ATG14: variants seen among roughly 807,000 people sequenced by gnomAD.
ATG14 encodes the protein beclin 1-associated autophagy-related key regulator.
A neutral mutation model predicts 60.4 loss-of-function variants in ATG14; 35 were observed. The ratio of observed to expected loss-of-function variants is 0.58; its 90% confidence interval spans 0.44 to 0.77. The LOEUF is 0.77. ATG14 is among the 30% of genes least tolerant of loss of function. The pLI is 0.00. For synonymous variants in ATG14, 234 were observed against 228.8 expected, an observed-to-expected ratio of 1.02 and a Z score of -0.21; for missense variants, 647 against 626.3, an observed-to-expected ratio of 1.03 and a Z score of -0.35.
chr14:55,398,505 A>G (rs1363708931), intron 1 of ATG14, among the ~76,000 whole-genome samples: 2 of 152,222 alleles, frequency 1.3e-5, no homozygotes, highest in African/African-American at 4.8e-5. Context: ...ATCTTCCATA[A>G]GAATCCTTCT....
chr14:55,367,811 C>T lies in ATG14; in HGVS notation c.*1808G>A, dbSNP rs1160488293. On this transcript the variant is annotated 3_prime_UTR_variant, in exon 10 of 10. Transcript: ENST00000247178. ...CTCCTTTCATGGAAAATTCATAGAGCCAAGGAATTTGTGACTACCGGATAG... is the reference window on the plus strand; with the variant it reads ...CTCCTTTCATGGAAAATTCATAGAGTCAAGGAATTTGTGACTACCGGATAG... The T allele has an allele frequency of 6.6e-6, 1 of 151,894 alleles. No individual in the cohort carries two copies. The highest frequency in any genetic ancestry group is 1.5e-5 in the Non-Finnish European group (1 of 67,988). 9.4% of individuals were successfully genotyped at this position (151,894 alleles called of 1,614,324 possible).
chr14:55,392,212 G>C (rs1037584523), intron 3 of ATG14, among the ~76,000 whole-genome samples: 2 of 152,200 alleles, frequency 1.3e-5, no homozygotes, highest in Non-Finnish European at 2.9e-5. Flanking sequence ...GATCTGACAG[G>C]AGGTGGAGCT....
At chr14:55,382,661 C>T (rs977604386) in intron 5 of ATG14, among the ~76,000 whole-genome samples, 4 of 152,102 alleles carry the variant, frequency 2.6e-5, no homozygotes, top group African/African-American at 9.7e-5. Flanking sequence ...AGGAATTTAA[C>T]TGAAATATAC....
chr14:55,397,169 G>A (rs1026347803), intron 2 of ATG14, among the ~76,000 whole-genome samples: 1 of 152,084 alleles, frequency 6.6e-6, no homozygotes, highest in Non-Finnish European at 1.5e-5. Context: ...ACCACACACC[G>A]GATCTGAGGC....
chr14:55,370,669 T>G (rs1209281266), intron 9 of ATG14, among the ~76,000 whole-genome samples: 1 of 151,124 alleles, frequency 6.6e-6, no homozygotes, highest in Non-Finnish European at 1.5e-5. Flanking sequence ...TTAGACAGAG[T>G]CTCGTTCTGT....
At chr14:55,411,572 G>A (rs760055950) in intron 1 of ATG14, 30 bp downstream of exon 1, 42 of 1,580,190 alleles carry the variant, frequency 2.7e-5, no homozygotes, top group African/African-American at 2.3e-4. Flanking sequence ...CACAGCAGAA[G>A]AAACAATAGG....
chr14:55,380,978 G>A (rs183504330), intron 6 of ATG14, among the ~76,000 whole-genome samples: 55 of 149,800 alleles, frequency 3.7e-4, no homozygotes, highest in Non-Finnish European at 3.0e-4. Flanking sequence ...ACCTGATAAC[G>A]TAATATCAAA....
intron 7 of ATG14, among the ~76,000 whole-genome samples, chr14:55,378,417 A>C (rs1566578453): frequency 6.6e-6 from 1 of 152,172 alleles, no homozygotes; most frequent in Non-Finnish European, 1.5e-5. Flanking sequence ...ACAGAAAGGC[A>C]AACTATACAA....
Position 55,368,043 on chromosome 14 carries a change from G to C in ATG14, c.*1576C>G, listed in dbSNP as rs903331327. On this transcript the variant is annotated 3_prime_UTR_variant, in exon 10 of 10. Coordinates refer to ENST00000247178, the MANE Select transcript of ATG14 (RefSeq NM_014924.5). ...CACATAAGATATGGTAATAATGCCT[G>C]TTAGGACTCTTTCATAGGATTTCTT... 1.3e-5 allele frequency: 2 copies of C among 152,590 alleles called. No individual in the cohort carries two copies. The highest frequency in any genetic ancestry group is 4.8e-5 in the African/African-American group (2 of 41,440). The allele number at this position is 152,590 out of a possible 1,614,324, so 9.5% of individuals were successfully genotyped here.
At chr14:55,406,646 A>G (rs1290690892) in intron 1 of ATG14, among the ~76,000 whole-genome samples, 1 of 152,162 alleles carries the variant, frequency 6.6e-6, no homozygotes, top group Admixed American at 6.5e-5. Context: ...CTATTAGAAC[A>G]ATGGTCCTGG....
At chr14:55,392,955 G>C (rs1403992079) in intron 3 of ATG14, among the ~76,000 whole-genome samples, 1 of 152,098 alleles carries the variant, frequency 6.6e-6, no homozygotes, top group Non-Finnish European at 1.5e-5. Context: ...CTTTAGAAAT[G>C]AATATTGAAG....
intron 9 of ATG14, among the ~76,000 whole-genome samples, chr14:55,372,601 T>C (rs939411794): frequency 6.6e-6 from 1 of 150,902 alleles, no homozygotes; most frequent in Non-Finnish European, 1.5e-5. Flanking sequence ...CTCCTTCCCT[T>C]CCTCCTTCCC....
chr14:55,380,746 A>C (rs962446130), intron 6 of ATG14, 56 bp from the exon 7 acceptor site: 2 of 1,180,274 alleles, frequency 1.7e-6, no homozygotes, highest in Non-Finnish European at 2.5e-6. Context: ...AAAACTACTA[A>C]TAATCCACGA....
At chr14:55,373,856 G>A (rs543608341) in intron 9 of ATG14, among the ~76,000 whole-genome samples, 12 of 150,994 alleles carry the variant, frequency 7.9e-5, no homozygotes, top group African/African-American at 2.9e-4. Flanking sequence ...CAGTTGTGCC[G>A]GTCTGAACAG....
At chr14:55,396,552 C>G (rs1395581113) in intron 2 of ATG14, among the ~76,000 whole-genome samples, 2 of 152,170 alleles carry the variant, frequency 1.3e-5, no homozygotes, top group African/African-American at 4.8e-5. Flanking sequence ...GAATCAGTGG[C>G]CTGAGCATTA....
At chr14:55,394,947 T>C (rs972131488) in intron 3 of ATG14, 2 of 393,098 alleles carry the variant, frequency 5.1e-6, no homozygotes, top group African/African-American at 4.2e-5. Context: ...TGATTTCACC[T>C]CCTAAAAAAA....
intron 9 of ATG14, among the ~76,000 whole-genome samples, chr14:55,370,507 A>G (rs1160713236): frequency 6.6e-6 from 1 of 152,178 alleles, no homozygotes; most frequent in African/African-American, 2.4e-5. Context: ...TTCAGGAGAA[A>G]ACAATTTTTA....
intron 9 of ATG14, among the ~76,000 whole-genome samples, chr14:55,370,559 A>G (rs147914064): frequency 9.9e-5 from 15 of 152,046 alleles, no homozygotes; most frequent in African/African-American, 3.4e-4. Context: ...GCCAAGTCCA[A>G]TAACCCTTTC....
intron 9 of ATG14, among the ~76,000 whole-genome samples, chr14:55,374,019 T>A (rs1044590689): frequency 6.6e-6 from 1 of 152,148 alleles, no homozygotes; most frequent in African/African-American, 2.4e-5. Flanking sequence ...TGTGCAATTC[T>A]CAATGGAAAA....
Sources: allele counts gnomAD v4.1 joint callset (sites outside exome capture counted in the v4.1 genomes callset), GRCh38; gene constraint gnomAD v4.1.1; transcripts MANE v1.5; gene names NCBI Gene and HGNC (gene_info 2026-07-23, HGNC 2026-07-21).